The following GRID2 variants were observed in gnomAD, a reference collection of about 807,000 sequenced individuals.
The protein encoded by GRID2 is glutamate receptor ionotropic, delta-2.
A neutral mutation model predicts 114.8 loss-of-function variants in GRID2; 33 were observed. That is an observed-to-expected ratio of 0.29 (90% CI 0.22 to 0.38). The LOEUF (loss-of-function observed/expected upper bound fraction) is 0.38, where lower values mean the gene tolerates loss of function less well. GRID2 is among the 10% of genes least tolerant of loss of function. The pLI is 1.00. For missense variants in GRID2, 1,184 were observed against 1,257.7 expected, an observed-to-expected ratio of 0.94 and a Z score of 0.89; for synonymous variants, 505 against 449.9, an observed-to-expected ratio of 1.12 and a Z score of -1.55.
At chr4:92,503,923 C>T (rs1313939533) in intron 1 of GRID2, among the ~76,000 whole-genome samples, 5 of 151,798 alleles carry the variant, frequency 3.3e-5, no homozygotes, top group Admixed American at 3.3e-4. Flanking sequence ...GAAGAGTAAA[C>T]CTCTCTCCCC....
At chr4:92,518,483 G>A (rs1017168581) in intron 1 of GRID2, among the ~76,000 whole-genome samples, 6 of 151,816 alleles carry the variant, frequency 4.0e-5, no homozygotes, top group African/African-American at 1.5e-4. Flanking sequence ...CCACTTATAT[G>A]AGGTATCCAA....
chr4:92,995,126 T>C (rs1755122394), intron 2 of GRID2, among the ~76,000 whole-genome samples: 1 of 152,218 alleles, frequency 6.6e-6, no homozygotes, highest in Non-Finnish European at 1.5e-5. Context: ...CCCTTAGCTC[T>C]AGAGACCTCC....
intron 4 of GRID2, among the ~76,000 whole-genome samples, chr4:93,121,444 G>A (rs969344685): frequency 8.5e-5 from 13 of 152,066 alleles, no homozygotes; most frequent in Non-Finnish European, 1.8e-4. Flanking sequence ...TCTTTCTTTC[G>A]TTCAGCATTA....
chr4:93,673,156 T>C (rs1724574662), intron 14 of GRID2, among the ~76,000 whole-genome samples: 4 of 152,164 alleles, frequency 2.6e-5, no homozygotes, highest in Admixed American at 2.6e-4. Context: ...ATTATCTAGG[T>C]TATTACAGTA....
At chr4:92,778,528 T>C (rs1389247062) in intron 2 of GRID2, among the ~76,000 whole-genome samples, 1 of 152,122 alleles carries the variant, frequency 6.6e-6, no homozygotes, top group African/African-American at 2.4e-5. Context: ...ACAACGGTTT[T>C]ACGACATTGT....
chr4:92,411,651 GTGTGTA>G (rs1391299415), intron 1 of GRID2, among the ~76,000 whole-genome samples: 2 of 96,348 alleles, frequency 2.1e-5, no homozygotes, highest in South Asian at 3.2e-4. Flanking sequence ...GTGTGTGTGT[GTGTGTA>G]TATATATATA....
At chr4:92,827,448 C>G (rs1741798748) in intron 2 of GRID2, among the ~76,000 whole-genome samples, 1 of 151,018 alleles carries the variant, frequency 6.6e-6, no homozygotes, top group Non-Finnish European at 1.5e-5. Context: ...TTACTATGTC[C>G]CTTCTGTCTT....
intron 8 of GRID2, among the ~76,000 whole-genome samples, chr4:93,307,281 T>A (rs908010201): frequency 3.5e-4 from 53 of 152,138 alleles, no homozygotes; most frequent in African/African-American, 1.0e-3. Flanking sequence ...GTGGTATTTT[T>A]CAGACTCAGA....
intron 8 of GRID2, among the ~76,000 whole-genome samples, chr4:93,259,625 A>G (rs906075576): frequency 5.3e-5 from 8 of 151,854 alleles, no homozygotes; most frequent in Non-Finnish European, 1.2e-4. Flanking sequence ...ATTTTTATGC[A>G]AAGCCTTTGA....
At chr4:93,364,466 A>G (rs945824122) in intron 8 of GRID2, among the ~76,000 whole-genome samples, 1 of 151,750 alleles carries the variant, frequency 6.6e-6, no homozygotes, top group Non-Finnish European at 1.5e-5. Context: ...GAAAAATCTT[A>G]TTTTGTTTTT....
chr4:93,728,961 T>C (rs1270210611), intron 14 of GRID2, among the ~76,000 whole-genome samples: 4 of 152,228 alleles, frequency 2.6e-5, no homozygotes, highest in Admixed American at 2.0e-4. Context: ...CTGTGTCTTT[T>C]AATTGGAGCA....
At chr4:92,482,594 C>A (rs1473143911) in intron 1 of GRID2, among the ~76,000 whole-genome samples, 1 of 152,022 alleles carries the variant, frequency 6.6e-6, no homozygotes, top group Non-Finnish European at 1.5e-5. Context: ...AATAGTTACC[C>A]AATTAAAATC....
chr4:93,398,744 G>A (rs1448425569), intron 9 of GRID2, among the ~76,000 whole-genome samples: 1 of 144,644 alleles, frequency 6.9e-6, no homozygotes, highest in Non-Finnish European at 1.5e-5. Flanking sequence ...AGACATGGAA[G>A]CAGTGTTTTT....
chr4:93,721,590 GTTATAATAA>G (rs1729377406), intron 14 of GRID2, among the ~76,000 whole-genome samples: 1 of 152,042 alleles, frequency 6.6e-6, no homozygotes, highest in Non-Finnish European at 1.5e-5. Context: ...CTGTCAAATT[GTTATAATAA>G]TGGTATCTAC....
chr4:92,721,992 C>G (rs1410044668), intron 2 of GRID2, among the ~76,000 whole-genome samples: 1 of 152,038 alleles, frequency 6.6e-6, no homozygotes, highest in African/African-American at 2.4e-5. Flanking sequence ...CAGGTCAGAA[C>G]CTAAGAAAAT....
intron 14 of GRID2, among the ~76,000 whole-genome samples, chr4:93,646,206 A>C (rs1162191193): frequency 6.6e-6 from 1 of 152,220 alleles, no homozygotes; most frequent in Non-Finnish European, 1.5e-5. Flanking sequence ...TTTATATTGG[A>C]AAATTTGCCT....
intron 9 of GRID2, among the ~76,000 whole-genome samples, chr4:93,412,516 ATTAT>A (rs760250925): frequency 3.3e-5 from 5 of 152,162 alleles, no homozygotes; most frequent in Non-Finnish European, 7.3e-5. Flanking sequence ...CTCATTTATG[ATTAT>A]TTAGATGTAC....
intron 2 of GRID2, among the ~76,000 whole-genome samples, chr4:92,760,922 G>A (rs187656751): frequency 8.6e-5 from 13 of 151,962 alleles, no homozygotes; most frequent in African/African-American, 3.1e-4. Flanking sequence ...AAAAAGACAG[G>A]TTACCACAGT....
chr4:92,635,855 A>G (rs948107931), intron 2 of GRID2, among the ~76,000 whole-genome samples: 8 of 152,058 alleles, frequency 5.3e-5, no homozygotes, highest in African/African-American at 1.7e-4. Context: ...TGGTTTTGTC[A>G]TGTAAGTATC....
Sources: gnomAD v4.1 joint callset for allele counts (sites outside exome capture counted in the v4.1 genomes callset) on GRCh38, gnomAD v4.1.1 for gene constraint, MANE v1.5 for transcripts, NCBI Gene and HGNC (gene_info 2026-07-23, HGNC 2026-07-21) for gene names.